The following ATAD2B variants were observed in gnomAD, a reference collection of about 807,000 sequenced individuals.
ATAD2B encodes the protein ATPase family AAA domain containing 2B.
In ATAD2B, 40 loss-of-function variants were observed where a neutral mutation model predicts 167.6. The ratio of observed to expected loss-of-function variants is 0.24; its 90% CI spans 0.19 to 0.31. ATAD2B has a LOEUF of 0.31. Among genes scored for constraint, ATAD2B ranks in the 10% least tolerant of loss-of-function variants. ATAD2B has a pLI of 1.00. For missense variants in ATAD2B, 1,242 were observed against 1,757.2 expected, an observed-to-expected ratio of 0.71 and a Z score of 5.24; for synonymous variants, 579 against 596.5, an observed-to-expected ratio of 0.97 and a Z score of 0.43.
intron 13 of ATAD2B, among the ~76,000 whole-genome samples, chr2:23,847,930 T>C (rs1573018512): frequency 6.7e-6 from 1 of 148,482 alleles, no homozygotes; most frequent in Non-Finnish European, 1.5e-5. Flanking sequence ...GAGGCGGAGG[T>C]TGCAGTGAGC....
the ATAD2B span, among the ~76,000 whole-genome samples, chr2:23,694,489 T>C: frequency 2.6e-5 from 4 of 152,182 alleles, no homozygotes; most frequent in African/African-American, 4.8e-5. Context: ...AAAAGCACAC[T>C]GAACATCTCA....
At chr2:23,695,877 T>G in the ATAD2B span, 1 of 1,534,068 alleles carries the variant, frequency 6.5e-7, no homozygotes, top group South Asian at 1.2e-5. The surrounding 1 kb of genome is among the most constrained non-coding windows in gnomAD (Gnocchi z 7.6). Context: ...GCTCAGTGGT[T>G]CCAGTGAGGT....
At chr2:23,762,448 T>C (rs1165494066) in intron 23 of ATAD2B, 102 bp from the exon 24 acceptor site, 32 of 1,241,116 alleles carry the variant, frequency 2.6e-5, no homozygotes, top group Middle Eastern at 2.0e-4. Context: ...TTTAAAGTCA[T>C]TAATTATACT....
intron 12 of ATAD2B, 56 bp downstream of exon 12, chr2:23,863,324 GA>G (rs970467061): frequency 8.2e-5 from 123 of 1,494,662 alleles, no homozygotes; most frequent in Non-Finnish European, 1.1e-4. Context: ...AAAAAACAAA[GA>G]AAGAAAAGAA....
At chr2:23,710,476 T>TC in the ATAD2B span, among the ~76,000 whole-genome samples, 3 of 152,302 alleles carry the variant, frequency 2.0e-5, no homozygotes, top group South Asian at 4.1e-4. Context: ...AGTGAAGGGT[T>TC]CTGTCAACCA....
At chr2:23,914,630 G>A (rs1276362475) in intron 1 of ATAD2B, among the ~76,000 whole-genome samples, 1 of 152,042 alleles carries the variant, frequency 6.6e-6, no homozygotes, top group Admixed American at 6.6e-5. Context: ...ATGAGGTCAG[G>A]AGATCGAGAC....
intron 19 of ATAD2B, among the ~76,000 whole-genome samples, chr2:23,797,531 G>A (rs1451329396): frequency 2.0e-5 from 3 of 152,074 alleles, no homozygotes; most frequent in African/African-American, 7.2e-5. Context: ...AACTGATAGT[G>A]ATATAGCCAC....
chr2:23,726,089 C>T, the ATAD2B span, among the ~76,000 whole-genome samples: 7 of 152,124 alleles, frequency 4.6e-5, no homozygotes, highest in African/African-American at 1.7e-4. Flanking sequence ...GAAAGGAAAG[C>T]GGGTACTTCA....
intron 9 of ATAD2B, 123 bp from the exon 10 acceptor site, chr2:23,868,069 T>C (rs2150077776): frequency 3.0e-6 from 2 of 665,782 alleles, no homozygotes; most frequent in East Asian, 2.7e-5. Context: ...CAGAAAATAA[T>C]ATCAAAGGAT....
chr2:23,874,370 A>T (rs1323007392), intron 8 of ATAD2B, among the ~76,000 whole-genome samples: 1 of 152,128 alleles, frequency 6.6e-6, no homozygotes, highest in Non-Finnish European at 1.5e-5. Context: ...ATTCTAAGAT[A>T]TAACAGTAAA....
At chr2:23,772,671 TG>T (rs1678510548) in intron 22 of ATAD2B, among the ~76,000 whole-genome samples, 1 of 151,290 alleles carries the variant, frequency 6.6e-6, no homozygotes, top group African/African-American at 2.4e-5. Context: ...CCCACTAGTA[TG>T]GAAGACAAGG....
chr2:23,784,615 T>C (rs536294078), intron 21 of ATAD2B, among the ~76,000 whole-genome samples: 10 of 152,262 alleles, frequency 6.6e-5, no homozygotes, highest in Admixed American at 1.3e-4. Flanking sequence ...ACTCTCAGCA[T>C]GGGAAGTTGA....
At chr2:23,694,162 G>T in the ATAD2B span, among the ~76,000 whole-genome samples, 1 of 152,196 alleles carries the variant, frequency 6.6e-6, no homozygotes, top group Non-Finnish European at 1.5e-5. Context: ...GTGGCCTTCT[G>T]GGCCTCTCCA....
At chr2:23,858,958 CAT>C (rs1158251360) in intron 12 of ATAD2B, among the ~76,000 whole-genome samples, 1 of 152,018 alleles carries the variant, frequency 6.6e-6, no homozygotes, top group Admixed American at 6.6e-5. Context: ...TGAGTATAAA[CAT>C]ATTAATATAA....
chr2:23,918,193 T>C (rs895494561), intron 1 of ATAD2B, among the ~76,000 whole-genome samples: 71 of 139,434 alleles, frequency 5.1e-4, no homozygotes, highest in African/African-American at 1.0e-3. Context: ...TAGCAAAACC[T>C]TGTCTCTACA....
At chr2:23,905,109 G>C (rs988198797) in intron 1 of ATAD2B, among the ~76,000 whole-genome samples, 1 of 152,050 alleles carries the variant, frequency 6.6e-6, no homozygotes, top group African/African-American at 2.4e-5. Flanking sequence ...GATTAAAAAA[G>C]TCTATAATAA....
chr2:23,683,832 G>C, the ATAD2B span, among the ~76,000 whole-genome samples: 1 of 152,252 alleles, frequency 6.6e-6, no homozygotes, highest in African/African-American at 2.4e-5. Flanking sequence ...AGAAGGAGGT[G>C]CTTGCCAGGC....
At chr2:23,862,647 C>T (rs1212470649) in intron 12 of ATAD2B, among the ~76,000 whole-genome samples, 1 of 152,046 alleles carries the variant, frequency 6.6e-6, no homozygotes, top group East Asian at 1.9e-4. Context: ...TAGACATAGT[C>T]CACATGATAT....
rs1401966699 is a variant in ATAD2B at position 23,752,003 on chromosome 2, T to G, written c.*43A>C. ...TTGAATGGCTCAGAAGACTGCTCTGTGAGGAGCAGATTGGAGAGGATAAAC... is the reference window on the plus strand; with the variant it reads ...TTGAATGGCTCAGAAGACTGCTCTGGGAGGAGCAGATTGGAGAGGATAAAC... On this transcript the variant is annotated 3_prime_UTR_variant, in exon 28 of 28. Transcript: ENST00000238789. The G allele has an allele frequency of 1.4e-6, 2 of 1,444,930 alleles. No individual in the cohort carries two copies. The highest frequency in any genetic ancestry group is 4.9e-5 in the East Asian group (2 of 41,024). 89.5% of individuals were successfully genotyped at this position (1,444,930 alleles called of 1,614,324 possible).
Sources: allele counts gnomAD v4.1 joint callset (sites outside exome capture counted in the v4.1 genomes callset), GRCh38; gene constraint gnomAD v4.1.1; non-coding constraint Gnocchi (gnomAD v3.1); transcripts MANE v1.5; gene names NCBI Gene and HGNC (gene_info 2026-07-23, HGNC 2026-07-21).